The following REL variants were observed in gnomAD, a reference collection of about 807,000 sequenced individuals.
The protein encoded by REL is REL proto-oncogene, NF-kB subunit.
In REL, 15 loss-of-function variants were observed where a neutral mutation model predicts 45.9. The observed-to-expected ratio is 0.33, with a 90% CI of 0.22 to 0.50. REL has a LOEUF of 0.50. Among genes scored for constraint, REL ranks in the 20% least tolerant of loss-of-function variants. REL has a pLI of 0.98. For synonymous variants in REL, 239 were observed against 242.1 expected, an observed-to-expected ratio of 0.99 and a Z score of 0.12; for missense variants, 601 against 715.2, an observed-to-expected ratio of 0.84 and a Z score of 1.82.
At chr2:60,906,301 A>G (rs1044641746) in intron 4 of REL, among the ~76,000 whole-genome samples, 3 of 152,062 alleles carry the variant, frequency 2.0e-5, no homozygotes, top group Admixed American at 6.5e-5. Context: ...AGTGTACTCA[A>G]TTCTATTCTG....
In REL at chr2:60,909,640, C is replaced by A. The variant is rs578098691; in HGVS notation, c.395-7237C>A. On this transcript the variant is annotated intron_variant, in intron 4 of 9. Transcript: ENST00000394479. ...ATTCCAGGCTGGGCGCAGTGGCTCA[C>A]GCCTGTAATCCCAGCACTTTGGGAG... 6.6e-5 allele frequency among the ~76,000 whole-genome samples: 10 copies of A among 152,278 alleles called. No homozygotes were observed. The East Asian group carries it at 1.9e-3, about 29-fold the overall frequency.
chr2:60,916,096 T>C (rs1228836915), intron 4 of REL, among the ~76,000 whole-genome samples: 1 of 152,214 alleles, frequency 6.6e-6, no homozygotes, highest in Non-Finnish European at 1.5e-5. Flanking sequence ...TGTGAAACTT[T>C]GGGCAAGTAA....
chr2:60,913,102 A>T (rs564619454), intron 4 of REL, among the ~76,000 whole-genome samples: 5 of 152,144 alleles, frequency 3.3e-5, no homozygotes, highest in African/African-American at 1.2e-4. Context: ...TCAATTTATT[A>T]TATTTTTCAG....
chr2:60,919,521 G>A (rs968311284), intron 7 of REL, among the ~76,000 whole-genome samples: 1 of 152,154 alleles, frequency 6.6e-6, no homozygotes, highest in Non-Finnish European at 1.5e-5. Context: ...TGCCTCCTGG[G>A]TTCAAGCAAT....
chr2:60,916,686 A>T (rs1209934270), intron 4 of REL, among the ~76,000 whole-genome samples, 191 bp from the exon 5 acceptor site: 2 of 152,196 alleles, frequency 1.3e-5, no homozygotes, highest in African/African-American at 4.8e-5. Flanking sequence ...AATTTATCAA[A>T]TACTGTTAGA....
At chr2:60,889,250 T>C (rs1338494557) in intron 1 of REL, among the ~76,000 whole-genome samples, 1 of 152,198 alleles carries the variant, frequency 6.6e-6, no homozygotes, top group Non-Finnish European at 1.5e-5. Context: ...TTAACCGCTC[T>C]TTTTCCACTG....
chr2:60,931,448 G>A lies in REL; in HGVS notation c.*8913G>A, dbSNP rs1329389417. ...CACTGATGAAAGTGATTTTTTTAAA[G>A]TTCTCAGGTACTGTTCAATTATTTA... On this transcript the variant is annotated 3_prime_UTR_variant, in exon 10 of 10. Transcript: ENST00000394479. The A allele has an allele frequency of 6.6e-6, 1 of 152,256 alleles. No individual in the cohort carries two copies. The highest frequency in any genetic ancestry group is 1.5e-5 in the Non-Finnish European group (1 of 68,008). 9.4% of individuals were successfully genotyped at this position (152,256 alleles called of 1,614,324 possible). A position where few individuals can be genotyped will look rare whatever the true frequency, so the allele number is the denominator to read the frequency against.
In REL at chr2:60,894,548, A is replaced by G; in HGVS notation, c.302+3A>G. On this transcript the variant is annotated splice_donor_region_variant and intron_variant, in intron 3 of 9. Coordinates refer to ENST00000394479, the MANE Select transcript of REL (RefSeq NM_001291746.2). ...GGACAAGAACGCAGACCTTTGTTGT[A>G]AGTACACAGTTACAGACATCTTCAG... 1 of 1,583,872 alleles carries G rather than the reference A, an allele frequency of 6.3e-7. No individual in the cohort carries two copies.
chr2:60,895,299 A>C (rs996072468), intron 3 of REL, among the ~76,000 whole-genome samples: 1 of 152,048 alleles, frequency 6.6e-6, no homozygotes, highest in South Asian at 2.1e-4. Flanking sequence ...CTTCAGCCTC[A>C]GCCTCCTGAG....
intron 1 of REL, among the ~76,000 whole-genome samples, chr2:60,885,895 TA>T (rs376528742): frequency 5.5e-4 from 84 of 152,364 alleles, no homozygotes; most frequent in African/African-American, 1.9e-3. Context: ...ATTTACTTTT[TA>T]AATAAATGAA....
intron 7 of REL, among the ~76,000 whole-genome samples, chr2:60,919,667 C>T (rs1573345597): frequency 1.3e-5 from 2 of 152,080 alleles, no homozygotes; most frequent in East Asian, 1.9e-4. Context: ...TCAGGTGATT[C>T]ACCCACCTCA....
At position 60,908,412 on chromosome 2, in the gene REL, G is replaced by A. The variant is rs180808392; in HGVS notation, c.394+7329G>A. Among the ~76,000 whole-genome samples, 19 of 152,136 alleles carry A rather than the reference G, an allele frequency of 1.2e-4. No individual in the cohort carries two copies. The East Asian group carries it at 2.1e-3, about 17-fold the overall frequency. ...AACTAAGAAACAGTCTCTAGCAAACGGGGCATAAAGCAGTCTAATACTGTC... is the reference window on the plus strand; with the variant it reads ...AACTAAGAAACAGTCTCTAGCAAACAGGGCATAAAGCAGTCTAATACTGTC... On this transcript the variant is annotated intron_variant, in intron 4 of 9. Transcript: ENST00000394479.
chr2:60,924,567 T>G lies in REL; in HGVS notation c.*2032T>G, dbSNP rs1674225465. On this transcript the variant is annotated 3_prime_UTR_variant, in exon 10 of 10. Transcript: ENST00000394479. ...TTGTTTGAAAGGAAAATAATCCCAGTGGCAAAATGATGGTAGAATTTGGGT... is the reference window on the plus strand; with the variant it reads ...TTGTTTGAAAGGAAAATAATCCCAGGGGCAAAATGATGGTAGAATTTGGGT... The G allele has an allele frequency of 4.6e-6, 1 of 215,784 alleles. No individual in the cohort carries two copies. The highest frequency in any genetic ancestry group is 2.3e-5 in the African/African-American group (1 of 44,408). 13.4% of individuals were successfully genotyped at this position (215,784 alleles called of 1,614,324 possible).
At chr2:60,896,944 A>C (rs966562935) in intron 3 of REL, among the ~76,000 whole-genome samples, 1 of 152,226 alleles carries the variant, frequency 6.6e-6, no homozygotes, top group Non-Finnish European at 1.5e-5. Context: ...TAATATTTTC[A>C]TGTTAACATG....
intron 3 of REL, among the ~76,000 whole-genome samples, chr2:60,898,713 GA>G (rs1365341952): frequency 2.6e-5 from 4 of 152,216 alleles, no homozygotes; most frequent in Non-Finnish European, 5.9e-5. Flanking sequence ...AGCAGCCATA[GA>G]TAATATGTAA....
Position 60,922,584 on chromosome 2 carries a change from C to G in REL, c.*49C>G. 6 of 1,494,934 alleles carry G rather than the reference C, an allele frequency of 4.0e-6. No homozygotes were observed. Among genetic ancestry groups the G allele is most frequent in the Non-Finnish European group, 5.4e-6 (6 of 1,120,816 alleles). 92.6% of individuals were successfully genotyped at this position (1,494,934 alleles called of 1,614,324 possible). A position where few individuals can be genotyped will look rare whatever the true frequency, so the allele number is the denominator to read the frequency against. On this transcript the variant is annotated 3_prime_UTR_variant, in exon 10 of 10. Coordinates refer to ENST00000394479, the MANE Select transcript of REL (RefSeq NM_001291746.2). ...AATCTTGATACCACCTATATAGATGCAGCATTTTGTATTTGTCTAACTGGG... is the reference window on the plus strand; with the variant it reads ...AATCTTGATACCACCTATATAGATGGAGCATTTTGTATTTGTCTAACTGGG...
At chr2:60,900,885 G>C in intron 3 of REL, 107 bp from the exon 4 acceptor site, 1 of 900,668 alleles carries the variant, frequency 1.1e-6, no homozygotes, top group Non-Finnish European at 1.7e-6. Context: ...TCATGCTTTG[G>C]TATGTACAAC....
Position 60,927,276 on chromosome 2 carries a change from G to A in REL, c.*4741G>A. 4.3e-6 allele frequency: 1 copy of A among 230,060 alleles called. No individual in the cohort carries two copies. The highest frequency in any genetic ancestry group is 6.1e-5 in the East Asian group (1 of 16,338). 14.3% of individuals were successfully genotyped at this position (230,060 alleles called of 1,614,324 possible). ...TGTATATGGAAATGATTTTTAAAGG[G>A]AAAGGTAATGATTTTCTGGCAGGAA... On this transcript the variant is annotated 3_prime_UTR_variant, in exon 10 of 10. Coordinates refer to ENST00000394479, the MANE Select transcript of REL (RefSeq NM_001291746.2).
At chr2:60,897,453 G>A (rs926440859) in intron 3 of REL, among the ~76,000 whole-genome samples, 10 of 151,774 alleles carry the variant, frequency 6.6e-5, no homozygotes, top group African/African-American at 2.2e-4. Context: ...AATTACAGGC[G>A]TGCACTACCA....
Sources: allele counts gnomAD v4.1 joint callset (sites outside exome capture counted in the v4.1 genomes callset), GRCh38; gene constraint gnomAD v4.1.1; transcripts MANE v1.5; gene names NCBI Gene and HGNC (gene_info 2026-07-23, HGNC 2026-07-21).